The following LMNB1 variants were observed in gnomAD, a reference collection of about 807,000 sequenced individuals.
The protein encoded by LMNB1 is lamin B1.
A neutral mutation model predicts 67.1 loss-of-function variants in LMNB1; 23 were observed. The observed-to-expected ratio is 0.34, with a 90% CI of 0.25 to 0.49. The LOEUF is 0.49. LMNB1 is among the 20% of genes least tolerant of loss of function. LMNB1 has a pLI of 0.99. For synonymous variants in LMNB1, 281 were observed against 282.9 expected (o/e 0.99, Z 0.07); for missense variants, 634 against 746.5 (o/e 0.85, Z 1.76).
chr5:126,803,799 C>T (rs766696850), intron 1 of LMNB1, among the ~76,000 whole-genome samples: 1 of 152,124 alleles, frequency 6.6e-6, no homozygotes, highest in South Asian at 2.1e-4. Context: ...GATCCGCCAG[C>T]CTTGGCCTTC....
At chr5:126,822,534 C>T (rs1361208354) in intron 7 of LMNB1, among the ~76,000 whole-genome samples, 2 of 152,222 alleles carry the variant, frequency 1.3e-5, no homozygotes, top group African/African-American at 2.4e-5. Flanking sequence ...TAATTTGGTT[C>T]ATACCCTGTT....
chr5:126,800,773 C>T (rs1479457720), intron 1 of LMNB1, among the ~76,000 whole-genome samples: 2 of 147,222 alleles, frequency 1.4e-5, no homozygotes, highest in Non-Finnish European at 3.0e-5. Flanking sequence ...CCGCCTCAGC[C>T]TCCTGAGTAG....
intron 7 of LMNB1, 107 bp from the exon 8 acceptor site, chr5:126,822,674 C>T: frequency 6.6e-6 from 4 of 604,570 alleles, no homozygotes; most frequent in Admixed American, 3.4e-5. Context: ...GGAAGATGAC[C>T]ATAAAGCGGT....
chr5:126,829,195 T>A (rs764036276), intron 9 of LMNB1, among the ~76,000 whole-genome samples: 1 of 151,896 alleles, frequency 6.6e-6, no homozygotes, highest in Admixed American at 6.6e-5. Context: ...TTAAACTGGC[T>A]TAGAAATAAT....
chr5:126,803,248 GT>G (rs894521180), intron 1 of LMNB1, among the ~76,000 whole-genome samples: 1 of 150,720 alleles, frequency 6.6e-6, no homozygotes, highest in Non-Finnish European at 1.5e-5. Flanking sequence ...CTTGTTTTTT[GT>G]TTTTGTTGTT....
chr5:126,800,852 A>G (rs1173811175), intron 1 of LMNB1, among the ~76,000 whole-genome samples: 4 of 134,388 alleles, frequency 3.0e-5, no homozygotes, highest in Non-Finnish European at 4.7e-5. Flanking sequence ...GGGTTTCTCC[A>G]TGTTGGTCAG....
At position 126,777,505 on chromosome 5, in the gene LMNB1, C is replaced by G. The variant is rs904980929; in HGVS notation, c.-4C>G. The G allele has an allele frequency of 2.8e-5, 37 of 1,334,782 alleles. No homozygotes were observed. In the Admixed American group the frequency reaches 4.1e-4, roughly 15 times the overall value. The allele number at this position is 1,334,782 out of a possible 1,614,324, so 82.7% of individuals were successfully genotyped here. A position where few individuals can be genotyped will look rare whatever the true frequency, so the allele number is the denominator to read the frequency against. On this transcript the variant is annotated 5_prime_UTR_variant, in exon 1 of 11. Transcript: ENST00000261366. ...TCGCCGCCCCGCTGTCTCCGCCGCC[C>G]GCCATGGCGACTGCGACCCCCGTGC... is the stretch of plus-strand genomic sequence containing the variant.
chr5:126,814,246 T>C (rs138780511), intron 5 of LMNB1, among the ~76,000 whole-genome samples: 315 of 152,362 alleles, frequency 2.1e-3, no homozygotes, highest in Non-Finnish European at 2.8e-3. Context: ...TCTCTGTTCT[T>C]GTACTGAGTT....
At chr5:126,788,140 T>C (rs779078296) in intron 1 of LMNB1, among the ~76,000 whole-genome samples, 1 of 152,040 alleles carries the variant, frequency 6.6e-6, no homozygotes, top group South Asian at 2.1e-4. Context: ...CATGCTTGGG[T>C]GCCTGAGTAG....
intron 5 of LMNB1, among the ~76,000 whole-genome samples, chr5:126,816,613 T>C (rs1342520182): frequency 6.6e-6 from 1 of 152,232 alleles, no homozygotes; most frequent in African/African-American, 2.4e-5. Context: ...CCAGTTCTTC[T>C]GTTATCTTCT....
At chr5:126,833,558 G>T (rs879352292) in intron 10 of LMNB1, among the ~76,000 whole-genome samples, 1 of 152,224 alleles carries the variant, frequency 6.6e-6, no homozygotes, top group African/African-American at 2.4e-5. Flanking sequence ...GAGGTGGGTT[G>T]CATGAAGTAG....
chr5:126,791,070 A>G (rs2112933794), intron 1 of LMNB1, among the ~76,000 whole-genome samples: 1 of 152,212 alleles, frequency 6.6e-6, no homozygotes, highest in South Asian at 2.1e-4. Context: ...TAAAATGAAG[A>G]CGTGTTCTTT....
chr5:126,828,965 G>A (rs886340335), intron 9 of LMNB1, among the ~76,000 whole-genome samples: 1 of 151,912 alleles, frequency 6.6e-6, no homozygotes, highest in African/African-American at 2.4e-5. Flanking sequence ...ATGAATACAG[G>A]TCTTATTTCA....
In LMNB1 at chr5:126,833,361, C is replaced by G. The variant is rs1180232686; in HGVS notation, c.1719+560C>G. The stretch of plus-strand genomic sequence containing the variant: ...ATTGGAATTATTAATAACTAATGAG[C>G]CTTCAGTTTATATTCTCAAGCTGTT... On this transcript the variant is annotated intron_variant, in intron 10 of 10. Coordinates refer to ENST00000261366, the MANE Select transcript of LMNB1 (RefSeq NM_005573.4). 9.2e-5 allele frequency among the ~76,000 whole-genome samples: 14 copies of G among 152,196 alleles called. No individual in the cohort carries two copies. In the East Asian group the frequency reaches 1.9e-3, roughly 21 times the overall value.
At chr5:126,785,256 G>A (rs1750744487) in intron 1 of LMNB1, among the ~76,000 whole-genome samples, 1 of 150,952 alleles carries the variant, frequency 6.6e-6, no homozygotes, top group Admixed American at 6.6e-5. Context: ...AAAGTGCTGG[G>A]ATTACAGGTG....
At chr5:126,809,694 A>AAAAGAAAAGG (rs1374145908) in intron 3 of LMNB1, among the ~76,000 whole-genome samples, 1 of 152,166 alleles carries the variant, frequency 6.6e-6, no homozygotes, top group Non-Finnish European at 1.5e-5. Context: ...CTCAGAAAAG[A>AAAAGAAAAGG]AAAGAAAAGA....
At chr5:126,809,058 A>G (rs971292101) in intron 3 of LMNB1, among the ~76,000 whole-genome samples, 6 of 151,950 alleles carry the variant, frequency 3.9e-5, no homozygotes, top group African/African-American at 1.2e-4. Context: ...GTATTTTAGT[A>G]GAGACAGGGT....
chr5:126,816,477 C>A (rs373297987), intron 5 of LMNB1, among the ~76,000 whole-genome samples: 3 of 152,266 alleles, frequency 2.0e-5, no homozygotes, highest in African/African-American at 7.2e-5. Context: ...ATAGACAGTT[C>A]TTGTTTTCCT....
intron 4 of LMNB1, among the ~76,000 whole-genome samples, chr5:126,811,488 A>G (rs927500507): frequency 6.6e-6 from 1 of 152,168 alleles, no homozygotes; most frequent in Non-Finnish European, 1.5e-5. Context: ...TATCAGTGTT[A>G]TCTTAGACAT....
Sources: allele counts gnomAD v4.1 joint callset (sites outside exome capture counted in the v4.1 genomes callset), GRCh38; gene constraint gnomAD v4.1.1; transcripts MANE v1.5; gene names NCBI Gene and HGNC (gene_info 2026-07-23, HGNC 2026-07-21).